The following CCDC42 variants were observed in gnomAD, a reference collection of about 807,000 sequenced individuals.
CCDC42 encodes the protein coiled-coil domain containing 42, also known as coiled-coil domain-containing protein 42.
Under a neutral mutation model 40.8 loss-of-function variants are expected in CCDC42, and 38 were observed. The observed-to-expected ratio is 0.93, with a 90% confidence interval of 0.72 to 1.22. The LOEUF is 1.22. CCDC42 is among the 50% of genes most tolerant of loss of function. The pLI is 0.00. For synonymous variants in CCDC42, 135 were observed against 157.5 expected, an observed-to-expected ratio of 0.86 and a Z score of 1.07; for missense variants, 379 against 416.5, an observed-to-expected ratio of 0.91 and a Z score of 0.78.
At chr17:8,738,012 G>A (rs1049190197) in intron 4 of CCDC42, among the ~76,000 whole-genome samples, 1 of 142,598 alleles carries the variant, frequency 7.0e-6, no homozygotes, top group African/African-American at 3.0e-5. Flanking sequence ...TGCAGATTTG[G>A]GGGGGGTCTC....
intron 6 of CCDC42, 113 bp downstream of exon 6, chr17:8,734,983 T>A: frequency 8.6e-7 from 1 of 1,167,040 alleles, no homozygotes; most frequent in Non-Finnish European, 1.2e-6. Context: ...TGTTGTTAAA[T>A]TTTGAGAGTC....
In CCDC42 at chr17:8,735,658, G is replaced by A; in HGVS notation, c.493-47C>T. The A allele has an allele frequency of 6.5e-7, 1 of 1,534,898 alleles. No homozygotes were observed. The highest frequency in any genetic ancestry group is 1.8e-5 in the Admixed American group (1 of 54,756). On this transcript the variant is annotated intron_variant, in intron 4 of 6. Transcript: ENST00000293845. This position sits in a 1 kb window ranked among gnomAD's most constrained non-coding sequence, Gnocchi z 4.7. Reference sequence around the variant, plus strand: ...AATGCACAGCCAGCCCCTGGGGCCTGAGGGAGCCACCCAGTCCTGCCAACC... The same window carrying A: ...AATGCACAGCCAGCCCCTGGGGCCTAAGGGAGCCACCCAGTCCTGCCAACC...
At chr17:8,734,805 G>A (rs1026718183) in intron 6 of CCDC42, among the ~76,000 whole-genome samples, 1 of 152,120 alleles carries the variant, frequency 6.6e-6, no homozygotes, top group Admixed American at 6.6e-5. Context: ...GGGCTAAAAG[G>A]GTTTCGGTGC....
chr17:8,741,790 C>T, intron 3 of CCDC42, 119 bp from the exon 4 acceptor site: 2 of 986,624 alleles, frequency 2.0e-6, no homozygotes, highest in Non-Finnish European at 3.0e-6. Flanking sequence ...ATCCTGGCAA[C>T]AGGCAGAGAT....
At chr17:8,743,902 T>C (rs1036880824) in intron 2 of CCDC42, among the ~76,000 whole-genome samples, 172 bp from the exon 3 acceptor site, 6 of 151,816 alleles carry the variant, frequency 4.0e-5, no homozygotes, top group Non-Finnish European at 7.4e-5. Flanking sequence ...CCCTGGACAG[T>C]GGTACCCCCA....
intron 6 of CCDC42, among the ~76,000 whole-genome samples, chr17:8,734,120 A>G (rs2086596489): frequency 6.6e-6 from 1 of 152,126 alleles, no homozygotes; most frequent in South Asian, 2.1e-4. Flanking sequence ...GCGTCAAACA[A>G]TGCCACTCTT....
intron 6 of CCDC42, among the ~76,000 whole-genome samples, chr17:8,734,320 G>T (rs1349929919): frequency 6.6e-6 from 1 of 152,192 alleles, no homozygotes. Flanking sequence ...AACTCTAGGA[G>T]TGTAAAGGTG....
rs372447596 is a variant in CCDC42 at position 8,743,753 on chromosome 17, C to A, written c.190-23G>T. The A allele has an allele frequency of 5.8e-6, 8 of 1,388,614 alleles. No homozygotes were observed. The East Asian group carries it at 1.8e-4, about 32-fold the overall frequency. 86.0% of individuals were successfully genotyped at this position (1,388,614 alleles called of 1,614,324 possible). A position where few individuals can be genotyped will look rare whatever the true frequency, so the allele number is the denominator to read the frequency against. On this transcript the variant is annotated intron_variant, in intron 2 of 6. Transcript: ENST00000293845. ...CATCTTTGGGGTGGGGGTGGGAGAG[C>A]AGAGAGGTCAGGAGGGCTCCTGACA...
intron 4 of CCDC42, 151 bp downstream of exon 4, chr17:8,741,323 G>A (rs2151140123): frequency 1.3e-6 from 1 of 756,156 alleles, no homozygotes; most frequent in South Asian, 1.7e-5. Flanking sequence ...CCTCGGAGCA[G>A]GGTGCCCATC....
chr17:8,741,411 C>T, intron 4 of CCDC42, 63 bp downstream of exon 4: 2 of 1,515,612 alleles, frequency 1.3e-6, no homozygotes, highest in South Asian at 2.3e-5. Flanking sequence ...GCCCCAGGCC[C>T]CGGGGAAGAG....
intron 4 of CCDC42, among the ~76,000 whole-genome samples, chr17:8,739,739 C>T (rs1317775641): frequency 1.3e-5 from 2 of 152,130 alleles, no homozygotes; most frequent in African/African-American, 4.8e-5. Flanking sequence ...GACGGGGTTT[C>T]ACCATGTTGG....
rs1406650076 is a variant in CCDC42, at chr17:8,735,366, C to T, written c.714+24G>A. The stretch of plus-strand genomic sequence containing the variant: ...CGCACTCACCCAGTGCCTGGGAGCC[C>T]CCGGCCCGCCCCGGGCCCCTCACCC... On this transcript the variant is annotated intron_variant, in intron 5 of 6. Transcript: ENST00000293845. The surrounding 1 kb of genome is among the most constrained non-coding windows in gnomAD (Gnocchi z 4.7). 6.2e-7 allele frequency: 1 copy of T among 1,612,888 alleles called. No homozygotes were observed. The highest frequency in any genetic ancestry group is 1.1e-5 in the South Asian group (1 of 91,040).
intron 6 of CCDC42, among the ~76,000 whole-genome samples, chr17:8,731,901 A>T (rs536524631): frequency 2.1e-4 from 32 of 152,314 alleles, no homozygotes; most frequent in African/African-American, 6.7e-4. Flanking sequence ...GCGGTAGCTC[A>T]CGCCTGTAAT....
chr17:8,735,409 CG>C lies in CCDC42; in HGVS notation c.694del (p.Arg232AlafsTer33). 1.2e-6 allele frequency: 2 copies of C among 1,613,932 alleles called. No homozygotes were observed. The highest frequency in any genetic ancestry group is 8.5e-7 in the Non-Finnish European group (1 of 1,180,016). On this transcript the variant is annotated frameshift_variant, in exon 5 of 7. Coordinates refer to ENST00000293845, the MANE Select transcript of CCDC42 (RefSeq NM_144681.3). LOFTEE classifies it high-confidence loss of function. The surrounding 1 kb of genome is among the most constrained non-coding windows in gnomAD (Gnocchi z 4.7). The stretch of plus-strand genomic sequence containing the variant: ...CCTCACCCAGAAGATGACATTGCTG[CG>C]GGCACGGTCAAAGCGCATCTGCAGC... Reference protein sequence around the residue: ...ARLQMRFDRARSNVIFWESRW... With the variant: ...ARLQMRFDRAXSNVIFWESRW...
intron 6 of CCDC42, among the ~76,000 whole-genome samples, chr17:8,732,223 T>C (rs1334375397): frequency 7.6e-6 from 1 of 131,168 alleles, no homozygotes; most frequent in African/African-American, 2.9e-5. Context: ...GGCGTGAACC[T>C]GGGAGGCGGA....
chr17:8,741,468 A>T lies in CCDC42; in HGVS notation c.492+6T>A, dbSNP rs1194124752. ...CAGGGCCGGCCCCCCTGCTCCTTGG[A>T]CTCACCTCGGAGTTCTCCACCACCT... On this transcript the variant is annotated splice_donor_region_variant and intron_variant, in intron 4 of 6. Transcript: ENST00000293845. The T allele has an allele frequency of 3.7e-6, 6 of 1,613,594 alleles. No individual in the cohort carries two copies. Among genetic ancestry groups the T allele is most frequent in the Non-Finnish European group, 5.1e-6 (6 of 1,179,750 alleles).
chr17:8,730,185 C>A lies in CCDC42; in HGVS notation c.896G>T (p.Arg299Leu), dbSNP rs182957223. The change falls in exon 7 of 7, where the codon CGG becomes CTG. Residue 299 changes from arginine to leucine, a missense_variant. Transcript: ENST00000293845. ...LDMIQQFIQD[R>L]SDIWAEVKKK... ...TTTCACCTCTGCCCAGATGTCCGAC[C>A]GGTCTTGGATAAATTGCTGGATCTA... 4 of 1,613,768 alleles carry A rather than the reference C, an allele frequency of 2.5e-6. No homozygotes were observed. The African/African-American group carries it at 5.3e-5, about 22-fold the overall frequency.
chr17:8,739,160 C>T (rs148408853), intron 4 of CCDC42, among the ~76,000 whole-genome samples: 2 of 151,924 alleles, frequency 1.3e-5, no homozygotes, highest in African/African-American at 4.8e-5. Flanking sequence ...TGGCCAGGAA[C>T]GACGCCAGAG....
intron 4 of CCDC42, among the ~76,000 whole-genome samples, chr17:8,738,199 G>A (rs1330746747): frequency 6.6e-6 from 1 of 152,078 alleles, no homozygotes; most frequent in Non-Finnish European, 1.5e-5. Flanking sequence ...GTGTGACAAT[G>A]GTGTAGTTAT....
Sources: allele counts gnomAD v4.1 joint callset (sites outside exome capture counted in the v4.1 genomes callset), GRCh38; gene constraint gnomAD v4.1.1; non-coding constraint Gnocchi (gnomAD v3.1); transcripts MANE v1.5; gene names NCBI Gene and HGNC (gene_info 2026-07-23, HGNC 2026-07-21).